CCNA1: variants seen among roughly 807,000 people sequenced by gnomAD.
CCNA1 encodes the protein cyclin A1.
In CCNA1, 23 loss-of-function variants were observed where a neutral mutation model predicts 54.1. That is an observed-to-expected ratio of 0.42 (90% CI 0.31 to 0.60). The LOEUF is 0.60. CCNA1 is among the 20% of genes least tolerant of loss of function. The pLI, the probability that CCNA1 is intolerant of heterozygous loss-of-function variation, is 0.14. For missense variants in CCNA1, 450 were observed against 556.7 expected (o/e 0.81, Z 1.93); for synonymous variants, 208 against 213.9 (o/e 0.97, Z 0.24).
chr13:36,440,114 C>T lies in CCNA1; in HGVS notation c.1029C>T (p.Thr343=). 1 of 1,614,068 alleles carries T rather than the reference C, an allele frequency of 6.2e-7. No homozygotes were observed. The highest frequency in any genetic ancestry group is 1.3e-5 in the African/African-American group (1 of 75,030). ...TAGCTTTTGATCTGACAGTACCAACCACCAACCAGTTTCTCCTTCAGTACT... is the reference window on the plus strand; with the variant it reads ...TAGCTTTTGATCTGACAGTACCAACTACCAACCAGTTTCTCCTTCAGTACT... Residue 343 remains threonine, a synonymous_variant, in exon 6 of 9, where the codon ACC becomes ACT. Coordinates refer to ENST00000255465, the MANE Select transcript of CCNA1 (RefSeq NM_003914.4).
rs2055740715 is a variant in CCNA1, at chr13:36,433,317, C to G, written c.297+96C>G. The G allele has an allele frequency of 7.7e-6, 6 of 777,902 alleles. No individual in the cohort carries two copies. The South Asian group carries it at 1.1e-4, about 15-fold the overall frequency. 48.2% of individuals were successfully genotyped at this position (777,902 alleles called of 1,614,324 possible). On this transcript the variant is annotated intron_variant, in intron 2 of 8. Coordinates refer to ENST00000255465, the MANE Select transcript of CCNA1 (RefSeq NM_003914.4). Reference sequence around the variant, plus strand: ...TCTCTTGCCCTTGTACCTACAACTCCCCCTGAGTATTACAACCCTGGAATC... The same window carrying G: ...TCTCTTGCCCTTGTACCTACAACTCGCCCTGAGTATTACAACCCTGGAATC...
At chr13:36,435,169 T>G (rs980746362) in intron 2 of CCNA1, among the ~76,000 whole-genome samples, 4 of 152,216 alleles carry the variant, frequency 2.6e-5, no homozygotes, top group African/African-American at 9.7e-5. Context: ...TCGATTAAAG[T>G]AATTTAAGTG....
chr13:36,439,838 T>G, intron 5 of CCNA1, 141 bp from the exon 6 acceptor site: 1 of 614,156 alleles, frequency 1.6e-6, no homozygotes, highest in Non-Finnish European at 2.9e-6. Context: ...TTCATAGCCC[T>G]GAGTCATTTA....
chr13:36,438,625 A>C lies in CCNA1; in HGVS notation c.670-19A>C. On this transcript the variant is annotated intron_variant, in intron 4 of 8. Coordinates refer to ENST00000255465, the MANE Select transcript of CCNA1 (RefSeq NM_003914.4). ...TCTGAAATTGCAACTACTAAATATC[A>C]AAACCTTTTCCCAATCAGATAAGGC... 6.3e-7 allele frequency: 1 copy of C among 1,591,954 alleles called. No homozygotes were observed. Among genetic ancestry groups the C allele is most frequent in the Non-Finnish European group, 8.6e-7 (1 of 1,161,826 alleles).
intron 2 of CCNA1, among the ~76,000 whole-genome samples, chr13:36,433,694 C>A (rs367549638): frequency 6.6e-6 from 1 of 151,726 alleles, no homozygotes; most frequent in Non-Finnish European, 1.5e-5. Context: ...GCACCCACCA[C>A]CACGCCCGGC....
intron 2 of CCNA1, 148 bp downstream of exon 2, chr13:36,433,369 ATTTTCTTT>A (rs2055742814): frequency 1.5e-5 from 5 of 339,516 alleles, no homozygotes; most frequent in Admixed American, 5.3e-5. Flanking sequence ...TGATTGATTT[ATTTTCTTT>A]CTTTCTTTCT....
chr13:36,438,908 T>C lies in CCNA1; in HGVS notation c.893+41T>C, dbSNP rs762923791. 2.1e-6 allele frequency: 3 copies of C among 1,438,654 alleles called. No homozygotes were observed. In the African/African-American group the frequency reaches 4.2e-5, roughly 20 times the overall value. 89.1% of individuals were successfully genotyped at this position (1,438,654 alleles called of 1,614,324 possible). A position where few individuals can be genotyped will look rare whatever the true frequency, so the allele number is the denominator to read the frequency against. ...GCTTGCATAATATGAAACTATCACT[T>C]GTCAAAACATGGAATTTTTGTCCTC... On this transcript the variant is annotated intron_variant, in intron 5 of 8. Coordinates refer to ENST00000255465, the MANE Select transcript of CCNA1 (RefSeq NM_003914.4).
Position 36,442,238 on chromosome 13 carries a change from A to G in CCNA1, c.1280A>G (p.His427Arg), listed in dbSNP as rs774789693. Reference sequence around the variant, plus strand: ...ATTGTGCCTTGCCTGAGTGAGCTTCATAAAGCGTACCTTGATATACCCCAT... The same window carrying G: ...ATTGTGCCTTGCCTGAGTGAGCTTCGTAAAGCGTACCTTGATATACCCCAT... Residue 427 changes from histidine (H) to arginine (R), a missense_variant, in exon 8 of 9, where the codon CAT becomes CGT. His to Arg is a conservative substitution (Grantham distance 29). Transcript: ENST00000255465. 6.2e-6 allele frequency: 10 copies of G among 1,613,940 alleles called. No homozygotes were observed. Among genetic ancestry groups the G allele is most frequent in the South Asian group, 5.5e-5 (5 of 91,078 alleles).
chr13:36,441,779 C>CT (rs914978898), intron 7 of CCNA1, among the ~76,000 whole-genome samples: 3 of 151,998 alleles, frequency 2.0e-5, no homozygotes, highest in Admixed American at 1.3e-4. Context: ...GCTGCATTTT[C>CT]TTTTTTTAAA....
chr13:36,441,575 C>T (rs1317219969), intron 7 of CCNA1, among the ~76,000 whole-genome samples: 1 of 152,122 alleles, frequency 6.6e-6, no homozygotes, highest in Non-Finnish European at 1.5e-5. Flanking sequence ...AAAACAAAAA[C>T]CTAGGTCCAA....
chr13:36,433,372 T>TA (rs2055743961), intron 2 of CCNA1, 151 bp downstream of exon 2: 18 of 79,478 alleles, frequency 2.3e-4, no homozygotes, highest in Middle Eastern at 3.8e-3. Flanking sequence ...TTGATTTATT[T>TA]TCTTTCTTTC....
intron 2 of CCNA1, 73 bp from the exon 3 acceptor site, chr13:36,437,556 T>C: frequency 2.1e-6 from 3 of 1,448,296 alleles, no homozygotes; most frequent in Non-Finnish European, 2.9e-6. Flanking sequence ...GCTGTTGGTT[T>C]GAGTCATGCA....
upstream of CCNA1, chr13:36,431,676 G>A (rs952528469): frequency 6.6e-6 from 1 of 152,250 alleles, no homozygotes; most frequent in African/African-American, 2.4e-5. Context: ...GGCGGGGCAG[G>A]CGCGGCCCGC....
intron 1 of CCNA1, 48 bp from the exon 2 acceptor site, chr13:36,432,985 G>A (rs2055734597): frequency 2.6e-6 from 4 of 1,562,866 alleles, no homozygotes; most frequent in Admixed American, 3.4e-5. Flanking sequence ...GGAGCCCGGG[G>A]TGGACGGAAT....
chr13:36,440,306 G>A (rs2055860305), intron 6 of CCNA1, 123 bp downstream of exon 6: 6 of 837,230 alleles, frequency 7.2e-6, no homozygotes, highest in Non-Finnish European at 9.4e-6. Flanking sequence ...CAGAAAAACT[G>A]TTCCAGTGCT....
chr13:36,432,031 C>G (rs2055713731), upstream of CCNA1: 1 of 152,940 alleles, frequency 6.5e-6, no homozygotes, highest in Admixed American at 6.5e-5. Flanking sequence ...CCAGAGGGGA[C>G]GTGTGCAGAC....
Position 36,437,669 on chromosome 13 carries a change from C to T in CCNA1, c.338C>T (p.Ala113Val), listed in dbSNP as rs2055822137. ...AGGTGTTATTCTGGATCAGAAAATG[C>T]CTTCCCTCCAGCTGGAAAGAAAGCA... Residue 113 changes from alanine (A) to valine (V), a missense_variant, in exon 3 of 9, where the codon GCC (alanine) becomes GTC (valine). Around this residue, in one of 6 missense-constraint regions of CCNA1, gnomAD observed 19 missense variants for 40.5 expected, o/e 0.47. Transcript: ENST00000255465. 1.9e-6 allele frequency: 3 copies of T among 1,613,806 alleles called. No homozygotes were observed. Among genetic ancestry groups the T allele is most frequent in the Admixed American group, 1.7e-5 (1 of 59,990 alleles).
At chr13:36,433,443 G>T (rs149999994) in intron 2 of CCNA1, among the ~76,000 whole-genome samples, 3,065 of 53,024 alleles carry the variant, frequency 0.058, 173 homozygotes, top group Middle Eastern at 0.13. Flanking sequence ...TCTTTCTTTC[G>T]TTCTTTCTTT....
chr13:36,433,583 C>T (rs1478250722), intron 2 of CCNA1, among the ~76,000 whole-genome samples: 2 of 142,492 alleles, frequency 1.4e-5, no homozygotes, highest in African/African-American at 2.6e-5. Context: ...CTCTTGTCGC[C>T]AGGCTGGAGT....
Sources: allele counts gnomAD v4.1 joint callset (sites outside exome capture counted in the v4.1 genomes callset), GRCh38; gene constraint gnomAD v4.1.1; regional missense constraint gnomAD v4.1.1; transcripts MANE v1.5; gene names NCBI Gene and HGNC (gene_info 2026-07-23, HGNC 2026-07-21).